CACNA1I: variants seen among roughly 807,000 people sequenced by gnomAD.
CACNA1I encodes the protein voltage-dependent T-type calcium channel subunit alpha-1I.
A neutral mutation model predicts 201.6 loss-of-function variants in CACNA1I; 74 were observed. That is an observed-to-expected ratio of 0.37 (90% CI 0.30 to 0.45). CACNA1I has a LOEUF of 0.45. Ranked by LOEUF, CACNA1I falls within the 20% of genes least tolerant of loss-of-function variation. CACNA1I has a pLI of 1.00. For synonymous variants in CACNA1I, 1,431 were observed against 1,345.2 expected (o/e 1.06, Z -1.40); for missense variants, 2,346 against 3,138.1 (o/e 0.75, Z 6.03).
chr22:39,662,967 G>T, intron 18 of CACNA1I, 91 bp downstream of exon 18: 1 of 904,694 alleles, frequency 1.1e-6, no homozygotes, highest in Non-Finnish European at 1.7e-6. Context: ...CATTGGTGGC[G>T]CTCTCCCAGA....
rs776411929 is a variant in CACNA1I at position 39,673,100 on chromosome 22, G to A, written c.4783+18G>A. The stretch of plus-strand genomic sequence containing the variant: ...TGCCCGAGGTGAGGGGCAAGGGGTG[G>A]GACAGGGAACGGGGACAAGCAGGGG... On this transcript the variant is annotated intron_variant, in intron 28 of 36. Coordinates refer to ENST00000402142, the MANE Select transcript of CACNA1I (RefSeq NM_021096.4). The A allele has an allele frequency of 1.9e-6, 3 of 1,608,898 alleles. No individual in the cohort carries two copies. The highest frequency in any genetic ancestry group is 2.5e-6 in the Non-Finnish European group (3 of 1,177,214).
chr22:39,662,828 G>T lies in CACNA1I; in HGVS notation c.3425G>T (p.Cys1142Phe). Residue 1142 changes from cysteine to phenylalanine, a missense_variant, in exon 18 of 37, where the codon TGC becomes TTC. By Grantham distance (205) the Cys-to-Phe change is radical (BLOSUM62 -2). Transcript: ENST00000402142. ...ATCGACGTCTATAAGCCCGACTGGT[G>T]CGAGGTCCGCGAAGACTGGTCTGTC... ...KMIDVYKPDWCEVREDWSVYL... is the reference protein window; with the variant it reads ...KMIDVYKPDWFEVREDWSVYL... 1 of 1,602,332 alleles carries T rather than the reference G, an allele frequency of 6.2e-7. No homozygotes were observed. Among genetic ancestry groups the T allele is most frequent in the Non-Finnish European group, 8.5e-7 (1 of 1,175,078 alleles).
intron 3 of CACNA1I, among the ~76,000 whole-genome samples, chr22:39,607,421 C>G (rs1933252687): frequency 6.6e-6 from 1 of 152,202 alleles, no homozygotes; most frequent in South Asian, 2.1e-4. Flanking sequence ...AGCAGGCAGG[C>G]AGAGCTTAGA....
At position 39,649,620 on chromosome 22, in the gene CACNA1I, C is replaced by T. The variant is rs746193365; in HGVS notation, c.1687C>T (p.Arg563Trp). ...TTGCTGCCAGCATGAGGACGGCCGG[C>T]GGCCCTCGGGCCTGGGCAGCACCGA... ...CPCCQHEDGRRPSGLGSTDSG... is the reference protein window; with the variant it reads ...CPCCQHEDGRWPSGLGSTDSG... The change falls in exon 10 of 37, where the codon CGG becomes TGG. Residue 563 changes from arginine (R) to tryptophan (W), a missense_variant. By Grantham distance (101) the Arg-to-Trp change is moderately radical. Coordinates refer to ENST00000402142, the MANE Select transcript of CACNA1I (RefSeq NM_021096.4). The surrounding 1 kb of genome is among the most constrained non-coding windows in gnomAD (Gnocchi z 7.3). The T allele has an allele frequency of 2.7e-5, 42 of 1,532,724 alleles. No individual in the cohort carries two copies. The highest frequency in any genetic ancestry group is 4.0e-4 in the Middle Eastern group (2 of 4,998). The allele number at this position is 1,532,724 out of a possible 1,614,324, so 94.9% of individuals were successfully genotyped here.
chr22:39,612,839 T>C (rs1040873514), intron 3 of CACNA1I, among the ~76,000 whole-genome samples: 1 of 152,148 alleles, frequency 6.6e-6, no homozygotes, highest in African/African-American at 2.4e-5. Context: ...CCTTCCTCCT[T>C]CTCTCCCTCC....
Position 39,677,471 on chromosome 22 carries a change from A to T in CACNA1I, c.4933+52A>T. On this transcript the variant is annotated intron_variant, in intron 30 of 36. Coordinates refer to ENST00000402142, the MANE Select transcript of CACNA1I (RefSeq NM_021096.4). This position sits in a 1 kb window ranked among gnomAD's most constrained non-coding sequence, Gnocchi z 4.8. ...GGTGGGGGTGCAGCAGGGCTGCAGG[A>T]GGAACTGGGGGGGCGGGGGAGGCCT... The T allele has an allele frequency of 4.5e-6, 5 of 1,112,216 alleles. No homozygotes were observed. Among genetic ancestry groups the T allele is most frequent in the Non-Finnish European group, 6.4e-6 (5 of 784,962 alleles). 68.9% of individuals were successfully genotyped at this position (1,112,216 alleles called of 1,614,324 possible).
chr22:39,651,356 C>T (rs922888638), intron 10 of CACNA1I, among the ~76,000 whole-genome samples: 4 of 152,226 alleles, frequency 2.6e-5, no homozygotes, highest in African/African-American at 9.6e-5. Context: ...AGCACAGGCT[C>T]CATTCAATTT....
At position 39,571,350 on chromosome 22, in the gene CACNA1I, AGCCG is replaced by A. The variant is rs571814476; in HGVS notation, c.236+363_236+366del. 7.9e-5 allele frequency among the ~76,000 whole-genome samples: 12 copies of A among 152,178 alleles called. No homozygotes were observed. In the South Asian group the frequency reaches 2.5e-3, roughly 32 times the overall value. On this transcript the variant is annotated intron_variant, in intron 1 of 36. Transcript: ENST00000402142. ...GGGCCGTGACCATACAGAGGATGGG[AGCCG>A]TGATCAGGAACTGTGGGCGTGGGCA...
rs1935896311 is a variant in CACNA1I at position 39,686,646 on chromosome 22, A to ATATATATATATATATATG, written c.*248_*249insATATATATATGTATATAT. ...TATATGCATATATATATATATATAT[A>ATATATATATATATATATG]TATATATGTGTATACACACACACAT... is the stretch of plus-strand genomic sequence containing the variant. On this transcript the variant is annotated 3_prime_UTR_variant, in exon 37 of 37. Coordinates refer to ENST00000402142, the MANE Select transcript of CACNA1I (RefSeq NM_021096.4). The ATATATATATATATATATG allele has an allele frequency of 2.0e-5, 3 of 147,836 alleles. No homozygotes were observed. In the Admixed American group the frequency reaches 2.0e-4, roughly 10 times the overall value. The allele number at this position is 147,836 out of a possible 1,614,324, so 9.2% of individuals were successfully genotyped here.
Position 39,678,081 on chromosome 22 carries a change from G to T in CACNA1I, c.5028G>T (p.Thr1676=). 1 of 1,611,334 alleles carries T rather than the reference G, an allele frequency of 6.2e-7. No homozygotes were observed. The highest frequency in any genetic ancestry group is 8.5e-7 in the Non-Finnish European group (1 of 1,178,876). Residue 1676 remains threonine, a synonymous_variant, in exon 31 of 37, where the codon ACG becomes ACT. Transcript: ENST00000402142. The stretch of plus-strand genomic sequence containing the variant: ...TCCTCACACTCTTCCAGGTCTCCAC[G>T]GGTGACAACTGGAACGGGATCATGA... The part of the protein sequence containing the change: ...MAFLTLFQVS[T]GDNWNGIMKD...
rs143073854 is a variant in CACNA1I at position 39,610,191 on chromosome 22, T to G, written c.483-9119T>G. Among the ~76,000 whole-genome samples the G allele has an allele frequency of 1.8e-3, 269 of 152,306 alleles. 6 individuals are homozygous for G. Among genetic ancestry groups the G allele is most frequent in the East Asian group, 0.016 (84 of 5,182 alleles). ...CCTGGACTTACAGGTCTGTCTGCCC[T>G]GCGGCTGTGGATGCTCAGATGCACT... is the stretch of plus-strand genomic sequence containing the variant. On this transcript the variant is annotated intron_variant, in intron 3 of 36. Transcript: ENST00000402142.
At chr22:39,571,872 G>A (rs971940040) in intron 1 of CACNA1I, among the ~76,000 whole-genome samples, 4 of 152,240 alleles carry the variant, frequency 2.6e-5, no homozygotes, top group Non-Finnish European at 5.9e-5. Flanking sequence ...CTAGCACCTG[G>A]CACAGTGCTT....
At chr22:39,637,028 A>G (rs1032862739) in intron 5 of CACNA1I, among the ~76,000 whole-genome samples, 2 of 152,220 alleles carry the variant, frequency 1.3e-5, no homozygotes, top group Non-Finnish European at 2.9e-5. Context: ...TCCAGCAAGC[A>G]TCCAGCCTCT....
chr22:39,608,752 G>A (rs374737822), intron 3 of CACNA1I, among the ~76,000 whole-genome samples: 2 of 151,772 alleles, frequency 1.3e-5, no homozygotes, highest in African/African-American at 4.8e-5. Context: ...GCTGGGAGGC[G>A]GAGGTTGCAG....
intron 3 of CACNA1I, among the ~76,000 whole-genome samples, chr22:39,610,194 G>A (rs1444679149): frequency 2.0e-5 from 3 of 152,156 alleles, no homozygotes; most frequent in Non-Finnish European, 4.4e-5. Flanking sequence ...TCTGCCCTGC[G>A]GCTGTGGATG....
chr22:39,624,171 T>A (rs12483993), intron 4 of CACNA1I, among the ~76,000 whole-genome samples: 1 of 151,848 alleles, frequency 6.6e-6, no homozygotes, highest in African/African-American at 2.4e-5. Flanking sequence ...TGTGAGGGTG[T>A]GTGTGTGTGA....
intron 1 of CACNA1I, among the ~76,000 whole-genome samples, chr22:39,589,772 C>G (rs558694558): frequency 1.3e-5 from 2 of 152,174 alleles, no homozygotes; most frequent in East Asian, 3.9e-4. Context: ...CACTGGGGAC[C>G]AGCAGGGGAG....
intron 4 of CACNA1I, among the ~76,000 whole-genome samples, chr22:39,620,513 C>T (rs1933715163): frequency 6.6e-6 from 1 of 152,142 alleles, no homozygotes; most frequent in South Asian, 2.1e-4. Flanking sequence ...CTGTTTTGAG[C>T]CTTACAGTCA....
chr22:39,615,810 G>C (rs1933516990), intron 3 of CACNA1I, among the ~76,000 whole-genome samples: 1 of 152,188 alleles, frequency 6.6e-6, no homozygotes, highest in Admixed American at 6.5e-5. Flanking sequence ...TCATGAAGTG[G>C]AGAAGTGAGA....
Sources: allele counts gnomAD v4.1 joint callset (sites outside exome capture counted in the v4.1 genomes callset), GRCh38; gene constraint gnomAD v4.1.1; non-coding constraint Gnocchi (gnomAD v3.1); transcripts MANE v1.5; gene names NCBI Gene and HGNC (gene_info 2026-07-23, HGNC 2026-07-21).